SOX5: variants seen among roughly 807,000 people sequenced by gnomAD.
The protein encoded by SOX5 is transcription factor SOX-5.
Under a neutral mutation model 92.0 loss-of-function variants are expected in SOX5, and 9 were observed. The ratio of observed to expected loss-of-function variants is 0.10; its 90% CI spans 0.06 to 0.17. The LOEUF is 0.17. Among genes scored for constraint, SOX5 ranks in the 10% least tolerant of loss-of-function variants. The pLI, the probability that SOX5 is intolerant of heterozygous loss-of-function variation, is 1.00. For missense variants in SOX5, 642 were observed against 944.5 expected, an observed-to-expected ratio of 0.68 and a Z score of 4.20; for synonymous variants, 344 against 336.3, an observed-to-expected ratio of 1.02 and a Z score of -0.25.
chr12:23,599,186 T>C (rs1238255580), intron 9 of SOX5, among the ~76,000 whole-genome samples: 1 of 152,246 alleles, frequency 6.6e-6, no homozygotes, highest in Non-Finnish European at 1.5e-5. Context: ...AAATCTTTAC[T>C]ATGCCTTTGA....
At chr12:23,745,848 G>C (rs1230045394) in intron 4 of SOX5, among the ~76,000 whole-genome samples, 2 of 152,076 alleles carry the variant, frequency 1.3e-5, no homozygotes, top group Non-Finnish European at 2.9e-5. Flanking sequence ...AGTCAGGAGA[G>C]GTAGCTGCAA....
intron 1 of SOX5, among the ~76,000 whole-genome samples, chr12:24,410,994 C>T (rs1316705248): frequency 6.6e-6 from 1 of 152,098 alleles, no homozygotes; most frequent in Admixed American, 6.6e-5. Context: ...GTGTGGCTTG[C>T]AGCATACACA....
In SOX5 at chr12:23,747,870, C is replaced by T. The variant is rs2094044509; in HGVS notation, c.569-6831G>A. 3.3e-5 allele frequency among the ~76,000 whole-genome samples: 5 copies of T among 151,448 alleles called. No homozygotes were observed. The South Asian group carries it at 1.0e-3, about 32-fold the overall frequency. On this transcript the variant is annotated intron_variant, in intron 4 of 14. Transcript: ENST00000451604. The stretch of plus-strand genomic sequence containing the variant: ...TGTTCACAGGGCAGCTCCCATGTGC[C>T]TCATACTGTTTTTAAGTGTTGAGGA...
At chr12:23,768,384 C>T (rs900971992) in intron 3 of SOX5, among the ~76,000 whole-genome samples, 8 of 152,104 alleles carry the variant, frequency 5.3e-5, no homozygotes, top group East Asian at 1.9e-4. Flanking sequence ...CAGGAACCTG[C>T]TATGGCAGTT....
At chr12:23,597,618 T>C (rs1252043806) in intron 9 of SOX5, among the ~76,000 whole-genome samples, 1 of 152,242 alleles carries the variant, frequency 6.6e-6, no homozygotes, top group Non-Finnish European at 1.5e-5. Context: ...ACTGTAAATA[T>C]GTCCCACCCA....
At chr12:24,067,920 G>A (rs1418866606) in intron 4 of SOX5, among the ~76,000 whole-genome samples, 9 of 152,166 alleles carry the variant, frequency 5.9e-5, no homozygotes, top group African/African-American at 1.7e-4. Flanking sequence ...CGAGGCGGGC[G>A]GATTGCCTGA....
In SOX5 at chr12:23,846,069, G is replaced by T. The variant is rs1483398626; in HGVS notation, c.395C>A (p.Pro132His). Reference sequence around the variant, plus strand: ...AGCTAAACTGCCCTTGCGCCGTTCAGGAGTTCCCAGGGCTGTACTAGACAA... The same window carrying T: ...AGCTAAACTGCCCTTGCGCCGTTCATGAGTTCCCAGGGCTGTACTAGACAA... ...ESLSSTALGT[P>H]ERRKGSLADV... The change falls in exon 3 of 15, where the codon CCT (proline) becomes CAT (histidine). Residue 132 changes from proline (P) to histidine (H), a missense_variant. Physicochemically the swap from Pro to His is moderately conservative, Grantham distance 77. Around this residue, in one of 8 missense-constraint regions of SOX5, gnomAD observed 29 missense variants for 47.4 expected, o/e 0.61. Coordinates refer to ENST00000451604, the MANE Select transcript of SOX5 (RefSeq NM_006940.6). 1 of 1,613,992 alleles carries T rather than the reference G, an allele frequency of 6.2e-7. No homozygotes were observed. The highest frequency in any genetic ancestry group is 1.3e-5 in the African/African-American group (1 of 74,896).
chr12:23,843,554 C>CTTTTTTTTTTTTTTT lies in SOX5; in HGVS notation c.481+2414_481+2428dup, dbSNP rs71059931. On this transcript the variant is annotated intron_variant, in intron 3 of 14. Coordinates refer to ENST00000451604, the MANE Select transcript of SOX5 (RefSeq NM_006940.6). ...TCAGAATATTTGACAGTCATTTCTC[C>CTTTTTTTTTTTTTTT]TTTTTTTTTTTTTTTTTTTTTTTTT... Among the ~76,000 whole-genome samples, 18 of 71,332 alleles carry CTTTTTTTTTTTTTTT rather than the reference C, an allele frequency of 2.5e-4. 4 individuals carry two copies. The East Asian group carries it at 5.0e-3, about 20-fold the overall frequency. The allele number at this position is 71,332 out of a possible 152,430, so 46.8% of individuals were successfully genotyped here. A position where few individuals can be genotyped will look rare whatever the true frequency, so the allele number is the denominator to read the frequency against.
intron 10 of SOX5, among the ~76,000 whole-genome samples, chr12:23,572,440 G>C (rs1462101797): frequency 8.6e-6 from 1 of 116,502 alleles, no homozygotes; most frequent in African/African-American, 2.9e-5. Context: ...TGTGTATGTG[G>C]TGAAAGGACT....
chr12:24,106,839 T>TAATAATAATAATAATAAA (rs973341314), intron 4 of SOX5, among the ~76,000 whole-genome samples: 1 of 136,510 alleles, frequency 7.3e-6, no homozygotes, highest in African/African-American at 2.7e-5. Flanking sequence ...ATAATAATAA[T>TAATAATAATAATAATAAA]AAATAGAAGC....
At chr12:23,921,466 A>G (rs1201548053) in intron 1 of SOX5, among the ~76,000 whole-genome samples, 1 of 152,116 alleles carries the variant, frequency 6.6e-6, no homozygotes. Context: ...TGGTATTCCA[A>G]TGTTGGGGTC....
intron 7 of SOX5, among the ~76,000 whole-genome samples, chr12:23,660,468 C>T (rs2082889587): frequency 6.6e-6 from 1 of 152,166 alleles, no homozygotes; most frequent in Admixed American, 6.5e-5. Context: ...CTCTCTCCTT[C>T]AAAGTACCTC....
intron 9 of SOX5, among the ~76,000 whole-genome samples, chr12:23,599,579 T>A (rs887440275): frequency 6.6e-6 from 1 of 152,224 alleles, no homozygotes; most frequent in African/African-American, 2.4e-5. Flanking sequence ...AATATGTAAG[T>A]TTCCGTCAAA....
intron 4 of SOX5, among the ~76,000 whole-genome samples, chr12:24,185,534 C>T (rs958518862): frequency 1.3e-5 from 2 of 152,068 alleles, no homozygotes; most frequent in African/African-American, 2.4e-5. Context: ...AGAGACTATG[C>T]GTGATTTTGT....
chr12:23,540,859 C>G (rs1382541116), intron 13 of SOX5, among the ~76,000 whole-genome samples: 2 of 152,168 alleles, frequency 1.3e-5, no homozygotes, highest in Non-Finnish European at 2.9e-5. Context: ...GGCATGCTGT[C>G]GGAGGCTGTT....
chr12:23,589,486 G>T (rs142372368), intron 9 of SOX5, among the ~76,000 whole-genome samples: 25 of 151,930 alleles, frequency 1.6e-4, no homozygotes, highest in African/African-American at 5.8e-4. Flanking sequence ...GTTTTCTACA[G>T]TACACCTTTC....
intron 3 of SOX5, among the ~76,000 whole-genome samples, chr12:24,276,860 T>A (rs1255185779): frequency 6.6e-6 from 1 of 152,176 alleles, no homozygotes; most frequent in East Asian, 1.9e-4. Context: ...AAATATTTAT[T>A]TTGAAGCAAC....
intron 3 of SOX5, among the ~76,000 whole-genome samples, chr12:24,241,767 G>T (rs898513875): frequency 6.6e-6 from 1 of 152,050 alleles, no homozygotes; most frequent in African/African-American, 2.4e-5. Flanking sequence ...GTTGCCATTT[G>T]TAGAATATCG....
intron 3 of SOX5, among the ~76,000 whole-genome samples, chr12:24,232,090 C>T (rs891688745): frequency 2.0e-5 from 3 of 152,164 alleles, no homozygotes; most frequent in Admixed American, 6.5e-5. Context: ...TCTTGCCTTT[C>T]ATTCACCTGT....
Sources: allele counts gnomAD v4.1 joint callset (sites outside exome capture counted in the v4.1 genomes callset), GRCh38; gene constraint gnomAD v4.1.1; regional missense constraint gnomAD v4.1.1; transcripts MANE v1.5; gene names NCBI Gene and HGNC (gene_info 2026-07-23, HGNC 2026-07-21).